The following ERCC6L2 variants were observed in gnomAD, a reference collection of about 807,000 sequenced individuals.
The protein encoded by ERCC6L2 is ERCC excision repair 6 like 2, also known as DNA excision repair protein ERCC-6-like 2.
In ERCC6L2, 77 loss-of-function variants were observed where a neutral mutation model predicts 132.0. The observed-to-expected ratio is 0.58, with a 90% CI of 0.49 to 0.71. ERCC6L2 has a LOEUF of 0.71. Among genes scored for constraint, ERCC6L2 ranks in the 30% least tolerant of loss-of-function variants. The probability of loss-of-function intolerance (pLI) is 0.00; values close to 1 mark genes in which losing one functional copy is unlikely to be tolerated. For synonymous variants in ERCC6L2, 583 were observed against 632.4 expected (o/e 0.92, Z 1.17); for missense variants, 1,542 against 1,837.6 (o/e 0.84, Z 2.94).
At chr9:95,966,413 A>T (rs1477629867) in intron 13 of ERCC6L2, 149 bp from the exon 14 acceptor site, 6 of 500,360 alleles carry the variant, frequency 1.2e-5, no homozygotes, top group Non-Finnish European at 1.6e-5. Context: ...TAATGGCAAC[A>T]TCTGCCAGGG....
intron 17 of ERCC6L2, among the ~76,000 whole-genome samples, chr9:95,987,489 A>T (rs1204043739): frequency 2.0e-5 from 3 of 152,216 alleles, no homozygotes; most frequent in Admixed American, 6.5e-5. Flanking sequence ...TGGGGCAGTC[A>T]AATCTTAAAG....
At chr9:95,892,110 A>T (rs188647059) in intron 2 of ERCC6L2, among the ~76,000 whole-genome samples, 63 of 152,274 alleles carry the variant, frequency 4.1e-4, no homozygotes, top group Admixed American at 1.8e-3. Flanking sequence ...AAATAAATTT[A>T]AAAAATAGGA....
intron 17 of ERCC6L2, among the ~76,000 whole-genome samples, chr9:95,985,892 G>C (rs932011882): frequency 1.3e-5 from 2 of 152,184 alleles, no homozygotes; most frequent in Non-Finnish European, 2.9e-5. Context: ...ATTCTGTTAT[G>C]TACTAAACAC....
intron 2 of ERCC6L2, among the ~76,000 whole-genome samples, chr9:95,882,462 A>T (rs983005330): frequency 6.6e-6 from 1 of 152,166 alleles, no homozygotes; most frequent in Non-Finnish European, 1.5e-5. Context: ...TTTATACTAA[A>T]CGATCACTTT....
chr9:95,993,407 C>T (rs1833367375), intron 17 of ERCC6L2, among the ~76,000 whole-genome samples: 1 of 152,210 alleles, frequency 6.6e-6, no homozygotes, highest in Non-Finnish European at 1.5e-5. Context: ...CATCTGCAAG[C>T]TTTGGTGAAG....
chr9:95,936,590 A>C (rs1240351839), intron 11 of ERCC6L2, among the ~76,000 whole-genome samples: 2 of 152,210 alleles, frequency 1.3e-5, no homozygotes, highest in Non-Finnish European at 2.9e-5. Context: ...CTAGATTCAC[A>C]AGTAGTTTTA....
At chr9:95,897,115 C>G (rs1463011308) in intron 2 of ERCC6L2, among the ~76,000 whole-genome samples, 1 of 151,544 alleles carries the variant, frequency 6.6e-6, no homozygotes, top group African/African-American at 2.4e-5. Context: ...ATATGGATAC[C>G]TCATATACCT....
intron 19 of ERCC6L2, among the ~76,000 whole-genome samples, chr9:96,024,087 T>C (rs1487976584): frequency 6.6e-6 from 1 of 152,232 alleles, no homozygotes; most frequent in Non-Finnish European, 1.5e-5. Context: ...ACGAATCACT[T>C]TCCAGAAGGG....
intron 6 of ERCC6L2, among the ~76,000 whole-genome samples, chr9:95,917,980 T>C (rs748518243): frequency 7.2e-5 from 11 of 152,220 alleles, no homozygotes; most frequent in Non-Finnish European, 1.5e-4. Flanking sequence ...TTTTTTCTTA[T>C]ATGTACTTTT....
intron 17 of ERCC6L2, among the ~76,000 whole-genome samples, chr9:95,996,829 G>T (rs1252700833): frequency 6.6e-6 from 1 of 152,132 alleles, no homozygotes; most frequent in Admixed American, 6.5e-5. Flanking sequence ...AGTCACCCAA[G>T]AGAGAGATGG....
chr9:95,926,463 A>G (rs1217584085), intron 9 of ERCC6L2, among the ~76,000 whole-genome samples: 1 of 152,194 alleles, frequency 6.6e-6, no homozygotes, highest in Admixed American at 6.6e-5. Flanking sequence ...GAAATGAGCT[A>G]TCAAGCTACC....
At position 96,006,114 on chromosome 9, in the gene ERCC6L2, G is replaced by C. The variant is rs377457132; in HGVS notation, c.3674+1413G>C. On this transcript the variant is annotated intron_variant, in intron 18 of 18. Coordinates refer to ENST00000653738, the MANE Select transcript of ERCC6L2 (RefSeq NM_020207.7). ...ATGTATGAGCTACTCCTGGTTTGGG[G>C]ATTAAAAGTTTAAATTTGGGAGTCA... 3.3e-5 allele frequency among the ~76,000 whole-genome samples: 5 copies of C among 152,282 alleles called. No homozygotes were observed. The East Asian group carries it at 5.8e-4, about 18-fold the overall frequency.
chr9:95,940,043 C>G (rs1045486760), intron 11 of ERCC6L2, among the ~76,000 whole-genome samples: 3 of 152,142 alleles, frequency 2.0e-5, no homozygotes, highest in African/African-American at 7.2e-5. Flanking sequence ...ACCTGGCGTC[C>G]CCTGACACCA....
In ERCC6L2 at chr9:95,966,651, T is replaced by G; in HGVS notation, c.2037T>G (p.Phe679Leu). The change falls in exon 14 of 19, where the codon TTT becomes TTG. Residue 679 changes from phenylalanine to leucine, a missense_variant. Phe to Leu is a conservative substitution (Grantham distance 22). Transcript: ENST00000653738. ...QGSKEHQGEL[F>L]GIHNLFKFRS... Reference sequence around the variant, plus strand: ...CTAAAGAGCATCAAGGAGAGCTTTTTGGGATCCATAACCTCTTCAAATTTA... The same window carrying G: ...CTAAAGAGCATCAAGGAGAGCTTTTGGGGATCCATAACCTCTTCAAATTTA... 6.5e-7 allele frequency: 1 copy of G among 1,547,848 alleles called. No homozygotes were observed. Among genetic ancestry groups the G allele is most frequent in the Non-Finnish European group, 8.8e-7 (1 of 1,133,276 alleles).
chr9:95,925,204 G>A (rs1335128203), intron 9 of ERCC6L2, among the ~76,000 whole-genome samples: 1 of 152,188 alleles, frequency 6.6e-6, no homozygotes, highest in Non-Finnish European at 1.5e-5. Flanking sequence ...TCTCTTGAGT[G>A]TCAGAGTTTT....
At chr9:95,899,225 G>T (rs997143358) in intron 3 of ERCC6L2, among the ~76,000 whole-genome samples, 5 of 152,120 alleles carry the variant, frequency 3.3e-5, no homozygotes, top group Non-Finnish European at 7.4e-5. Flanking sequence ...CAAGGAAGGC[G>T]AATTGCTTGA....
At chr9:95,924,551 C>G (rs986619931) in intron 9 of ERCC6L2, among the ~76,000 whole-genome samples, 2 of 151,990 alleles carry the variant, frequency 1.3e-5, no homozygotes, top group African/African-American at 4.8e-5. Context: ...TAGAACATTT[C>G]CAGAAATTAT....
intron 17 of ERCC6L2, among the ~76,000 whole-genome samples, chr9:95,978,433 G>A (rs1460780459): frequency 6.6e-6 from 1 of 152,164 alleles, no homozygotes; most frequent in Non-Finnish European, 1.5e-5. Context: ...ATCATGTTGA[G>A]TTGCTTAATA....
intron 17 of ERCC6L2, among the ~76,000 whole-genome samples, chr9:95,979,966 T>C (rs1167334898): frequency 1.3e-5 from 2 of 152,188 alleles, no homozygotes; most frequent in Admixed American, 6.5e-5. Flanking sequence ...GTCAGATAAT[T>C]TGGCAAACCG....
Sources: gnomAD v4.1 joint callset for allele counts (sites outside exome capture counted in the v4.1 genomes callset) on GRCh38, gnomAD v4.1.1 for gene constraint, MANE v1.5 for transcripts, NCBI Gene and HGNC (gene_info 2026-07-23, HGNC 2026-07-21) for gene names.